NUFIP2: variants seen among roughly 807,000 people sequenced by gnomAD.
NUFIP2 encodes the protein FMR1-interacting protein NUFIP2.
Under a neutral mutation model 56.9 loss-of-function variants are expected in NUFIP2, and 6 were observed. That is an observed-to-expected ratio of 0.11 (90% CI 0.06 to 0.21). NUFIP2 has a LOEUF of 0.21. Ranked by LOEUF, NUFIP2 falls within the 10% of genes least tolerant of loss-of-function variation. The pLI, the probability that NUFIP2 is intolerant of heterozygous loss-of-function variation, is 1.00. For missense variants in NUFIP2, 828 were observed against 826.8 expected, an observed-to-expected ratio of 1.00 and a Z score of -0.02; for synonymous variants, 321 against 298.2, an observed-to-expected ratio of 1.08 and a Z score of -0.79.
In NUFIP2 at chr17:29,287,120, C is replaced by T. The variant is rs1239844141; in HGVS notation, c.874G>A (p.Gly292Arg). The change falls in exon 2 of 4, where the codon GGA (glycine) becomes AGA (arginine). Residue 292 changes from glycine (G) to arginine (R), a missense_variant. Coordinates refer to ENST00000225388, the MANE Select transcript of NUFIP2 (RefSeq NM_020772.3). ...AGCATATCACCCACAGCAGGTTTTC[C>T]TCGACTTGTTCCTCCAGGCCCAGTT... ...YETGPGGTSR[G>R]KPAVGDMLRK... 1 of 1,614,042 alleles carries T rather than the reference C, an allele frequency of 6.2e-7. No homozygotes were observed. Among genetic ancestry groups the T allele is most frequent in the Non-Finnish European group, 8.5e-7 (1 of 1,180,038 alleles).
intron 3 of NUFIP2, among the ~76,000 whole-genome samples, chr17:29,266,616 T>C (rs2069038457): frequency 6.6e-6 from 1 of 152,006 alleles, no homozygotes. Context: ...AATATTTTTC[T>C]GAACTATGAA....
At chr17:29,290,720 C>G (rs2069206894) in intron 1 of NUFIP2, among the ~76,000 whole-genome samples, 1 of 151,510 alleles carries the variant, frequency 6.6e-6, no homozygotes, top group African/African-American at 2.4e-5. Context: ...AAAGGCTCTT[C>G]TCATCATTTT....
At chr17:29,284,994 C>T (rs913542148) in intron 2 of NUFIP2, among the ~76,000 whole-genome samples, 3 of 152,038 alleles carry the variant, frequency 2.0e-5, no homozygotes, top group East Asian at 1.9e-4. Context: ...CTATTAAAGA[C>T]GCATATGATA....
Position 29,287,674 on chromosome 17 carries a change from G to T in NUFIP2, c.320C>A (p.Ser107Tyr). ...TTCATCAGAACTCAGGTTCTTTAAA[G>T]ATATTTCTCTTTCTCCAGCATTACC... Reference protein sequence around the residue: ...LNGNAGEREISLKNLSSDEAT... With the variant: ...LNGNAGEREIYLKNLSSDEAT... The change falls in exon 2 of 4, where the codon TCT (serine) becomes TAT (tyrosine). Residue 107 changes from serine to tyrosine, a missense_variant. Around this residue, in one of 3 missense-constraint regions of NUFIP2, gnomAD observed 415 missense variants for 408.7 expected, o/e 1.02. Coordinates refer to ENST00000225388, the MANE Select transcript of NUFIP2 (RefSeq NM_020772.3). 1.9e-6 allele frequency: 3 copies of T among 1,612,068 alleles called. No homozygotes were observed. The highest frequency in any genetic ancestry group is 2.5e-6 in the Non-Finnish European group (3 of 1,179,422).
chr17:29,281,473 C>T (rs2069138899), intron 2 of NUFIP2, among the ~76,000 whole-genome samples: 1 of 150,568 alleles, frequency 6.6e-6, no homozygotes, highest in Admixed American at 6.6e-5. Context: ...GCCTCAACAA[C>T]ACAGCAACAC....
At chr17:29,285,879 AT>A (rs1447592675) in intron 2 of NUFIP2, 112 bp downstream of exon 2, 34 of 808,162 alleles carry the variant, frequency 4.2e-5, no homozygotes, top group Non-Finnish European at 5.7e-5. Flanking sequence ...CCACATTGTC[AT>A]TCTCTTAAAA....
chr17:29,288,932 G>GC (rs1368611897), intron 1 of NUFIP2, among the ~76,000 whole-genome samples: 14 of 152,186 alleles, frequency 9.2e-5, no homozygotes, highest in African/African-American at 3.4e-4. Flanking sequence ...CAGGCAGACT[G>GC]CTGGAGTTCA....
chr17:29,256,588 G>A lies in NUFIP2; in HGVS notation c.*7951C>T, dbSNP rs1220976654. 12 of 151,720 alleles carry A rather than the reference G, an allele frequency of 7.9e-5. No individual in the cohort carries two copies. Among genetic ancestry groups the A allele is most frequent in the Admixed American group, 5.9e-4 (9 of 15,222 alleles). The allele number at this position is 151,720 out of a possible 1,614,324, so 9.4% of individuals were successfully genotyped here. A position where few individuals can be genotyped will look rare whatever the true frequency, so the allele number is the denominator to read the frequency against. On this transcript the variant is annotated 3_prime_UTR_variant, in exon 4 of 4. Transcript: ENST00000225388. ...ATGGAAATATTTATTTTTTATGTAGGAGCATGGGGAAAATGCTATCAGTAA... is the reference window on the plus strand; with the variant it reads ...ATGGAAATATTTATTTTTTATGTAGAAGCATGGGGAAAATGCTATCAGTAA...
At chr17:29,272,118 G>GAAGAA (rs1400006219) in intron 2 of NUFIP2, among the ~76,000 whole-genome samples, 2 of 148,812 alleles carry the variant, frequency 1.3e-5, no homozygotes, top group Non-Finnish European at 3.0e-5. Context: ...GAAGAGAAGA[G>GAAGAA]AAGAAAAGAA....
chr17:29,289,900 C>T (rs4795500), intron 1 of NUFIP2, among the ~76,000 whole-genome samples: 27 of 152,244 alleles, frequency 1.8e-4, no homozygotes, highest in African/African-American at 4.1e-4. Flanking sequence ...ACTTGTACCA[C>T]GAGAGAATAC....
chr17:29,271,066 A>G (rs2069069198), intron 2 of NUFIP2, among the ~76,000 whole-genome samples: 1 of 152,212 alleles, frequency 6.6e-6, no homozygotes, highest in Non-Finnish European at 1.5e-5. Context: ...TCTTTACTGC[A>G]GCTTAAGGTT....
intron 1 of NUFIP2, among the ~76,000 whole-genome samples, chr17:29,288,974 T>A (rs1296928094): frequency 6.6e-6 from 1 of 151,878 alleles, no homozygotes; most frequent in Admixed American, 6.6e-5. Flanking sequence ...AGAAACCCTG[T>A]CTCTACTACA....
At chr17:29,288,549 T>C (rs2069192068) in intron 1 of NUFIP2, among the ~76,000 whole-genome samples, 1 of 152,244 alleles carries the variant, frequency 6.6e-6, no homozygotes, top group Non-Finnish European at 1.5e-5. Context: ...TAAATTTCAT[T>C]TTGACATTTC....
At position 29,258,498 on chromosome 17, in the gene NUFIP2, A is replaced by G. The variant is rs2068983158; in HGVS notation, c.*6041T>C. The G allele has an allele frequency of 6.6e-6, 1 of 152,222 alleles. No individual in the cohort carries two copies. The highest frequency in any genetic ancestry group is 1.5e-5 in the Non-Finnish European group (1 of 68,044). The allele number at this position is 152,222 out of a possible 1,614,324, so 9.4% of individuals were successfully genotyped here. On this transcript the variant is annotated 3_prime_UTR_variant, in exon 4 of 4. Coordinates refer to ENST00000225388, the MANE Select transcript of NUFIP2 (RefSeq NM_020772.3). ...AATGTTTTCTAAAAGATCAGCAACA[A>G]ATCAATGACACCACGTCCTTTAAGC...
rs144487706 is a variant in NUFIP2 at position 29,277,151 on chromosome 17, A to G, written c.2002+8841T>C. On this transcript the variant is annotated intron_variant, in intron 2 of 3. Coordinates refer to ENST00000225388, the MANE Select transcript of NUFIP2 (RefSeq NM_020772.3). ...CAGATTCTCCTGCCTAAGCCTCCGG[A>G]GTAGCTGGGACTACAGGCACGTGCC... 5.5e-3 allele frequency among the ~76,000 whole-genome samples: 838 copies of G among 152,220 alleles called. 6 individuals are homozygous for G. The highest frequency in any genetic ancestry group is 0.019 in the African/African-American group (786 of 41,516).
At chr17:29,279,090 A>G (rs2069125471) in intron 2 of NUFIP2, among the ~76,000 whole-genome samples, 1 of 152,246 alleles carries the variant, frequency 6.6e-6, no homozygotes, top group Admixed American at 6.5e-5. Context: ...TTAGAAAGAC[A>G]GCTGTGATGT....
At chr17:29,287,947 A>G (rs1233757872) in intron 1 of NUFIP2, among the ~76,000 whole-genome samples, 1 of 152,232 alleles carries the variant, frequency 6.6e-6, no homozygotes, top group African/African-American at 2.4e-5. Flanking sequence ...GATTCAAACC[A>G]AAGTCTGAGG....
chr17:29,259,022 A>C lies in NUFIP2; in HGVS notation c.*5517T>G, dbSNP rs974631820. On this transcript the variant is annotated 3_prime_UTR_variant, in exon 4 of 4. Coordinates refer to ENST00000225388, the MANE Select transcript of NUFIP2 (RefSeq NM_020772.3). ...AAACTAAAGGCATTCATTCATATTT[A>C]CATATTAAAACCACTTTTGTTAACA... 2.0e-5 allele frequency: 3 copies of C among 152,250 alleles called. No individual in the cohort carries two copies. Among genetic ancestry groups the C allele is most frequent in the Non-Finnish European group, 4.4e-5 (3 of 68,042 alleles). 9.4% of individuals were successfully genotyped at this position (152,250 alleles called of 1,614,324 possible). A position where few individuals can be genotyped will look rare whatever the true frequency, so the allele number is the denominator to read the frequency against.
chr17:29,260,137 T>C lies in NUFIP2; in HGVS notation c.*4402A>G, dbSNP rs2068994201. ...AACCTAAAGCAGCTATTTATGCTTC[T>C]AGTCTTTTCCTCTGCCTCTCCCTTT... On this transcript the variant is annotated 3_prime_UTR_variant, in exon 4 of 4. Transcript: ENST00000225388. 6.6e-6 allele frequency: 1 copy of C among 152,254 alleles called. No homozygotes were observed. Among genetic ancestry groups the C allele is most frequent in the Non-Finnish European group, 1.5e-5 (1 of 68,048 alleles). 9.4% of individuals were successfully genotyped at this position (152,254 alleles called of 1,614,324 possible). A position where few individuals can be genotyped will look rare whatever the true frequency, so the allele number is the denominator to read the frequency against.
Sources: gnomAD v4.1 joint callset for allele counts (sites outside exome capture counted in the v4.1 genomes callset) on GRCh38, gnomAD v4.1.1 for gene constraint, gnomAD v4.1.1 regional missense constraint, MANE v1.5 for transcripts, NCBI Gene and HGNC (gene_info 2026-07-23, HGNC 2026-07-21) for gene names.